The following MED16 variants were observed in gnomAD, a reference collection of about 807,000 sequenced individuals.
MED16 encodes the protein mediator of RNA polymerase II transcription subunit 16.
In MED16, 81 loss-of-function variants were observed where a neutral mutation model predicts 84.4. The observed-to-expected ratio is 0.96, with a 90% confidence interval of 0.80 to 1.15. MED16 has a LOEUF of 1.15. MED16 is among the 50% of genes most tolerant of loss of function. The pLI is 0.00. For missense variants in MED16, 1,585 were observed against 1,245.9 expected, an observed-to-expected ratio of 1.27 and a Z score of -4.10; for synonymous variants, 897 against 552.2, an observed-to-expected ratio of 1.62 and a Z score of -8.76.
At chr19:876,781 C>T (rs1417235734) in intron 9 of MED16, among the ~76,000 whole-genome samples, 193 bp downstream of exon 9, 1 of 152,140 alleles carries the variant, frequency 6.6e-6, no homozygotes, top group Non-Finnish European at 1.5e-5. Flanking sequence ...CTCCACCCTC[C>T]AAGGGAACTC....
intron 8 of MED16, among the ~76,000 whole-genome samples, chr19:878,134 T>G (rs1210960704): frequency 1.6e-5 from 1 of 64,290 alleles, no homozygotes; most frequent in Non-Finnish European, 3.0e-5. Flanking sequence ...CCCCTGGTTG[T>G]CAATGCTCAG....
At chr19:876,667 C>T (rs1392865545) in intron 9 of MED16, among the ~76,000 whole-genome samples, 1 of 152,028 alleles carries the variant, frequency 6.6e-6, no homozygotes, top group East Asian at 1.9e-4. Context: ...CCCCTCTTGC[C>T]CTCCGCCTGC....
At chr19:874,593 C>CCCGGGTG (rs1407815819) in intron 10 of MED16, among the ~76,000 whole-genome samples, 1 of 152,194 alleles carries the variant, frequency 6.6e-6, no homozygotes, top group Non-Finnish European at 1.5e-5. Flanking sequence ...CTGCACAGGA[C>CCCGGGTG]CCGGGTGCCG....
chr19:886,373 T>C (rs1286911164), intron 4 of MED16, among the ~76,000 whole-genome samples, 172 bp from the exon 5 acceptor site: 2 of 152,146 alleles, frequency 1.3e-5, no homozygotes, highest in Non-Finnish European at 2.9e-5. Flanking sequence ...CCTCTGACCC[T>C]CCGTCTCCTC....
intron 1 of MED16, chr19:892,542 C>G (rs1435643516): frequency 6.6e-6 from 1 of 151,580 alleles, no homozygotes; most frequent in Non-Finnish European, 1.5e-5. Flanking sequence ...ATAGCCTCTT[C>G]AGGCCCCGCC....
intron 1 of MED16, chr19:892,519 T>C: frequency 7.9e-6 from 1 of 126,238 alleles, no homozygotes; most frequent in South Asian, 2.5e-4. Context: ...CGAGGCTTCA[T>C]CCCAGGGACC....
At chr19:885,110 C>A in intron 5 of MED16, 102 bp from the exon 6 acceptor site, 1 of 857,044 alleles carries the variant, frequency 1.2e-6, no homozygotes, top group Non-Finnish European at 1.8e-6. Flanking sequence ...CACTGCTGGG[C>A]CTGTCTCTTC....
chr19:875,187 A>T, intron 10 of MED16, 57 bp downstream of exon 10: 1 of 1,195,800 alleles, frequency 8.4e-7, no homozygotes, highest in Non-Finnish European at 1.1e-6. Context: ...AAATAAATAA[A>T]AATAAAATAA....
At chr19:890,622 C>T (rs774664457) in intron 2 of MED16, among the ~76,000 whole-genome samples, 3 of 152,172 alleles carry the variant, frequency 2.0e-5, no homozygotes, top group African/African-American at 4.8e-5. Flanking sequence ...GGAGAGAAGA[C>T]GGGCACAGCC....
At chr19:878,040 ACG>A in intron 8 of MED16, among the ~76,000 whole-genome samples, 1 of 78,348 alleles carries the variant, frequency 1.3e-5, no homozygotes, top group African/African-American at 5.0e-5. Context: ...CCCCAGCCCC[ACG>A]TGCCCCAGCA....
chr19:878,790 C>A (rs2036334738), intron 8 of MED16, among the ~76,000 whole-genome samples: 1 of 146,014 alleles, frequency 6.8e-6, no homozygotes, highest in Non-Finnish European at 1.5e-5. Flanking sequence ...TCAATGCCCA[C>A]CAGCCCCAGC....
intron 8 of MED16, 70 bp from the exon 9 acceptor site, chr19:877,250 G>T (rs1305958973): frequency 5.4e-6 from 8 of 1,476,602 alleles, no homozygotes; most frequent in South Asian, 1.2e-5. Context: ...GAGGAATGGG[G>T]CCCTGGGGCT....
chr19:873,872 C>T (rs914203611), intron 10 of MED16, among the ~76,000 whole-genome samples: 1 of 152,172 alleles, frequency 6.6e-6, no homozygotes, highest in Non-Finnish European at 1.5e-5. Context: ...TGCTCAGGCC[C>T]GGCCTGCTGG....
In MED16 at chr19:873,547, C is replaced by T. The variant is rs766729790; in HGVS notation, c.1807G>A (p.Glu603Lys). The T allele has an allele frequency of 1.9e-6, 3 of 1,612,290 alleles. No homozygotes were observed. The highest frequency in any genetic ancestry group is 2.5e-6 in the Non-Finnish European group (3 of 1,179,728). ...DKVMINLKTE[E>K]FVLDMNTLQA... ...AGTGTGTTCATGTCCAGCACAAATTCCTCCGTCTTGAGGTTGATCATGACC... is the reference window on the plus strand; with the variant it reads ...AGTGTGTTCATGTCCAGCACAAATTTCTCCGTCTTGAGGTTGATCATGACC... Residue 603 changes from glutamate (E) to lysine (K), a missense_variant, in exon 11 of 16, where the codon GAA (glutamate) becomes AAA (lysine). By Grantham distance (56) the Glu-to-Lys change is moderately conservative (BLOSUM62 1). Transcript: ENST00000325464.
chr19:890,583 G>A (rs763108511), intron 2 of MED16, among the ~76,000 whole-genome samples: 2 of 152,300 alleles, frequency 1.3e-5, no homozygotes, highest in South Asian at 2.1e-4. Context: ...TAATGACCAC[G>A]TATTATGAGT....
intron 11 of MED16, 133 bp downstream of exon 11, chr19:873,316 A>T: frequency 1.5e-6 from 1 of 665,740 alleles, no homozygotes; most frequent in Non-Finnish European, 2.3e-6. Flanking sequence ...TAGGGGCGGG[A>T]CTCCAAGTAG....
At position 868,852 on chromosome 19, in the gene MED16, G is replaced by C; in HGVS notation, c.2399+11C>G. On this transcript the variant is annotated intron_variant, in intron 14 of 15. Coordinates refer to ENST00000325464, the MANE Select transcript of MED16 (RefSeq NM_005481.3). ...CATCTCTGGGAGTCAGCGGTTCCGGGGGCCCCTCACCTGGTGCAGGCCTTG... is the reference window on the plus strand; with the variant it reads ...CATCTCTGGGAGTCAGCGGTTCCGGCGGCCCCTCACCTGGTGCAGGCCTTG... 1 of 1,546,096 alleles carries C rather than the reference G, an allele frequency of 6.5e-7. No homozygotes were observed. Among genetic ancestry groups the C allele is most frequent in the Non-Finnish European group, 8.7e-7 (1 of 1,147,644 alleles).
chr19:881,167 G>A (rs2036414201), intron 7 of MED16, among the ~76,000 whole-genome samples: 1 of 152,208 alleles, frequency 6.6e-6, no homozygotes, highest in African/African-American at 2.4e-5. Context: ...GGTAGGCACT[G>A]AAGAGTGTGC....
Position 881,679 on chromosome 19 carries a change from T to C in MED16, c.1021A>G (p.Ile341Val). 7 of 1,612,092 alleles carry C rather than the reference T, an allele frequency of 4.3e-6. No individual in the cohort carries two copies. The highest frequency in any genetic ancestry group is 5.9e-6 in the Non-Finnish European group (7 of 1,179,546). Residue 341 changes from isoleucine (I) to valine (V), a missense_variant, in exon 7 of 16, where the codon ATC becomes GTC. Ile to Val is a conservative substitution (Grantham distance 29, BLOSUM62 3). Transcript: ENST00000325464. The stretch of plus-strand genomic sequence containing the variant: ...TCCAGATCGTTGGTGGCCGATAGGA[T>C]CCGCCATTTGAGAATTGTGGGCTGT... ...DKQPTILKWR[I>V]LSATNDLDRV...
Sources: gnomAD v4.1 joint callset for allele counts (sites outside exome capture counted in the v4.1 genomes callset) on GRCh38, gnomAD v4.1.1 for gene constraint, MANE v1.5 for transcripts, NCBI Gene and HGNC (gene_info 2026-07-23, HGNC 2026-07-21) for gene names.